BMPR1A: variants seen among roughly 807,000 people sequenced by gnomAD.
BMPR1A encodes bone morphogenetic protein receptor type 1A.
BMPR1A carries 7 observed loss-of-function variants against 66.0 expected under a neutral mutation model. That is an observed-to-expected ratio of 0.11 (90% CI 0.06 to 0.20). BMPR1A has a LOEUF of 0.20. Among genes scored for constraint, BMPR1A ranks in the 10% least tolerant of loss-of-function variants. BMPR1A has a pLI of 1.00. For missense variants in BMPR1A, 408 were observed against 669.1 expected, an observed-to-expected ratio of 0.61 and a Z score of 4.31; for synonymous variants, 200 against 229.7, an observed-to-expected ratio of 0.87 and a Z score of 1.17.
chr10:86,869,526 G>T (rs566343643), intron 2 of BMPR1A, among the ~76,000 whole-genome samples: 1 of 151,786 alleles, frequency 6.6e-6, no homozygotes, highest in African/African-American at 2.4e-5. Flanking sequence ...GGAGGCAGAG[G>T]CGGGAGGATC....
chr10:86,916,293 C>T (rs534385522), intron 8 of BMPR1A, among the ~76,000 whole-genome samples: 1 of 152,230 alleles, frequency 6.6e-6, no homozygotes, highest in African/African-American at 2.4e-5. Flanking sequence ...ATAAACCACC[C>T]CAAAACTTAG....
At chr10:86,853,682 TG>T (rs1360847182) in intron 2 of BMPR1A, among the ~76,000 whole-genome samples, 1 of 152,140 alleles carries the variant, frequency 6.6e-6, no homozygotes, top group Non-Finnish European at 1.5e-5. Context: ...AGACATCACA[TG>T]TCGGTAGATT....
rs188350773 is a variant in BMPR1A, at chr10:86,864,354, A to G, written c.-152-11513A>G. On this transcript the variant is annotated intron_variant, in intron 2 of 12. Coordinates refer to ENST00000372037, the MANE Select transcript of BMPR1A (RefSeq NM_004329.3). ...GGTCGGTTTAGGAGTTTCTGCCTCC[A>G]CTATTGCTCTCGGTACTGGAATAAC... 5.6e-4 allele frequency among the ~76,000 whole-genome samples: 85 copies of G among 152,164 alleles called. 1 individual carries two copies. The East Asian group carries it at 0.016, about 29-fold the overall frequency.
intron 2 of BMPR1A, among the ~76,000 whole-genome samples, chr10:86,858,267 A>C (rs958920050): frequency 1.1e-4 from 16 of 152,302 alleles, no homozygotes; most frequent in Non-Finnish European, 2.1e-4. Context: ...ACTTTCATTA[A>C]ATTTATAATT....
Position 86,912,269 on chromosome 10 carries a change from G to A in BMPR1A, c.560G>A (p.Arg187His), listed in dbSNP as rs189059377. The change falls in exon 8 of 13, where the codon CGT (arginine) becomes CAT (histidine). Residue 187 changes from arginine to histidine, a missense_variant. By Grantham distance (29) the Arg-to-His change is conservative. This residue lies in a region of BMPR1A where 174 missense variants were observed against 265.1 expected (regional missense o/e 0.66). Transcript: ENST00000372037. ...KHYCKSISSR[R>H]RYNRDLEQDE... ...TATTGCAAGAGCATCTCAAGCAGAC[G>A]TCGTTACAATCGTGATTTGGAACAG... 18 of 1,613,710 alleles carry A rather than the reference G, an allele frequency of 1.1e-5. No individual in the cohort carries two copies. The highest frequency in any genetic ancestry group is 6.7e-5 in the East Asian group (3 of 44,832).
chr10:86,832,196 G>A (rs1386483199), intron 1 of BMPR1A, among the ~76,000 whole-genome samples: 1 of 152,040 alleles, frequency 6.6e-6, no homozygotes, highest in South Asian at 2.1e-4. Context: ...GGCCGGGCGC[G>A]GTGGCTCATA....
At chr10:86,817,246 T>A (rs1428229085) in intron 1 of BMPR1A, among the ~76,000 whole-genome samples, 5 of 152,158 alleles carry the variant, frequency 3.3e-5, no homozygotes, top group Non-Finnish European at 1.5e-5. Context: ...AAATAACAAC[T>A]CTCCCTTCTT....
At chr10:86,930,393 C>G (rs1304949476), downstream of BMPR1A, 1 of 152,238 alleles carries the variant, frequency 6.6e-6, no homozygotes, top group Non-Finnish European at 1.5e-5. Flanking sequence ...AATTCTCCTG[C>G]CTCAGCCACC....
intron 2 of BMPR1A, among the ~76,000 whole-genome samples, chr10:86,842,818 A>G (rs1842442574): frequency 6.6e-6 from 1 of 152,148 alleles, no homozygotes; most frequent in African/African-American, 2.4e-5. Flanking sequence ...GCCAAGTGAA[A>G]GGGGAAACCT....
chr10:86,785,925 C>CATTT (rs1024255922), intron 1 of BMPR1A, among the ~76,000 whole-genome samples: 47 of 152,224 alleles, frequency 3.1e-4, no homozygotes, highest in African/African-American at 1.1e-3. Context: ...GTTCCTAGTT[C>CATTT]ATTTATTCTC....
chr10:86,881,813 T>A (rs7895131), intron 3 of BMPR1A, among the ~76,000 whole-genome samples: 5 of 152,130 alleles, frequency 3.3e-5, no homozygotes. Context: ...GACAACCAGC[T>A]TATTTGGATC....
chr10:86,824,757 ATAAT>A (rs374475897), intron 1 of BMPR1A, among the ~76,000 whole-genome samples: 57 of 152,320 alleles, frequency 3.7e-4, no homozygotes, highest in Admixed American at 2.4e-3. Context: ...TTTTTAGTAA[ATAAT>A]TAAGTCAAGT....
intron 2 of BMPR1A, among the ~76,000 whole-genome samples, chr10:86,863,459 T>A (rs1249471797): frequency 6.6e-6 from 1 of 152,208 alleles, no homozygotes; most frequent in African/African-American, 2.4e-5. Context: ...TTAGCTAGAA[T>A]ATTTTTGGTT....
intron 1 of BMPR1A, among the ~76,000 whole-genome samples, chr10:86,802,238 A>G (rs771520375): frequency 6.6e-6 from 1 of 152,186 alleles, no homozygotes; most frequent in Non-Finnish European, 1.5e-5. Context: ...GGGACGCTCC[A>G]GATCAGGGCT....
At chr10:86,785,867 A>C (rs1841507125) in intron 1 of BMPR1A, among the ~76,000 whole-genome samples, 1 of 152,072 alleles carries the variant, frequency 6.6e-6, no homozygotes, top group East Asian at 1.9e-4. Context: ...TGGCCTTACC[A>C]CTAATTACCA....
chr10:86,784,164 T>A (rs914900596), intron 1 of BMPR1A, among the ~76,000 whole-genome samples: 2 of 152,182 alleles, frequency 1.3e-5, no homozygotes, highest in Non-Finnish European at 2.9e-5. Flanking sequence ...AGAGTGGACT[T>A]CCTAGTCTTG....
intron 3 of BMPR1A, chr10:86,889,720 C>G (rs1470097800): frequency 7.6e-6 from 2 of 262,282 alleles, no homozygotes; most frequent in Admixed American, 5.1e-5. Context: ...GGACTGCGTT[C>G]ATGCTTTTCC....
chr10:86,840,620 C>CT (rs1842413493), intron 2 of BMPR1A, among the ~76,000 whole-genome samples: 1 of 152,248 alleles, frequency 6.6e-6, no homozygotes, highest in African/African-American at 2.4e-5. Flanking sequence ...GGCATTTTCT[C>CT]TAAGCTTCAG....
At chr10:86,781,910 A>G (rs1488706553) in intron 1 of BMPR1A, among the ~76,000 whole-genome samples, 1 of 125,272 alleles carries the variant, frequency 8.0e-6, no homozygotes, top group East Asian at 2.3e-4. Context: ...TCACCCAGGC[A>G]GGCTGGAGTG....
Sources: allele counts gnomAD v4.1 joint callset (sites outside exome capture counted in the v4.1 genomes callset), GRCh38; gene constraint gnomAD v4.1.1; regional missense constraint gnomAD v4.1.1; transcripts MANE v1.5; gene names NCBI Gene and HGNC (gene_info 2026-07-23, HGNC 2026-07-21).